PKHD1L1: variants seen among roughly 807,000 people sequenced by gnomAD.
PKHD1L1 encodes PKHD1 like 1, also known as fibrocystin-L.
PKHD1L1 carries 434 observed loss-of-function variants against 462.9 expected under a neutral mutation model. The observed-to-expected ratio is 0.94, with a 90% CI of 0.87 to 1.02. PKHD1L1 has a LOEUF of 1.02. PKHD1L1 is among the 50% of genes least tolerant of loss of function. The probability of loss-of-function intolerance (pLI) is 0.00; values close to 1 mark genes in which losing one functional copy is unlikely to be tolerated. For missense variants in PKHD1L1, 5,202 were observed against 5,096.1 expected (o/e 1.02, Z -0.63); for synonymous variants, 1,781 against 1,750.0 (o/e 1.02, Z -0.44).
chr8:109,444,117 C>A (rs1276907497), intron 37 of PKHD1L1, among the ~76,000 whole-genome samples: 4 of 124,404 alleles, frequency 3.2e-5, no homozygotes, highest in East Asian at 2.4e-4. Flanking sequence ...TCATTACCTC[C>A]CCCCCCCAAA....
At chr8:109,379,158 A>G (rs901642560) in intron 2 of PKHD1L1, among the ~76,000 whole-genome samples, 2 of 152,160 alleles carry the variant, frequency 1.3e-5, no homozygotes, top group African/African-American at 2.4e-5. Flanking sequence ...TGAGCTCTCA[A>G]TAGGCTACCA....
chr8:109,412,538 C>T, intron 20 of PKHD1L1, 124 bp downstream of exon 20: 1 of 993,414 alleles, frequency 1.0e-6, no homozygotes. Flanking sequence ...GTAACAGGCA[C>T]CGAAGTGTAC....
intron 68 of PKHD1L1, among the ~76,000 whole-genome samples, chr8:109,505,913 A>G (rs1185762019): frequency 1.3e-5 from 2 of 152,102 alleles, no homozygotes; most frequent in African/African-American, 4.8e-5. Context: ...TCAGAAAAAA[A>G]GTAGGCACCT....
intron 50 of PKHD1L1, among the ~76,000 whole-genome samples, chr8:109,473,518 G>C (rs1228081532): frequency 7.6e-6 from 1 of 131,068 alleles, no homozygotes; most frequent in Non-Finnish European, 1.7e-5. Context: ...TCCATCTCAA[G>C]AAAAAAAAAA....
In PKHD1L1 at chr8:109,526,819, G is replaced by A; in HGVS notation, c.12520G>A (p.Val4174Ile). 2.6e-6 allele frequency: 4 copies of A among 1,564,442 alleles called. No homozygotes were observed. The highest frequency in any genetic ancestry group is 2.4e-5 in the East Asian group (1 of 42,206). The change falls in exon 77 of 78, where the codon GTT (valine) becomes ATT (isoleucine). Residue 4174 changes from valine to isoleucine, a missense_variant. This residue lies in a region of PKHD1L1 where 698 missense variants were observed against 736.3 expected (regional missense o/e 0.95). Transcript: ENST00000378402. ...NYKIEFILDN[V>I]VGVESRTFSL... ...TAAGATTGAATTTATACTGGATAAT[G>A]TTGTTGGGGTAGAATCCAGAACTTT...
Position 109,439,113 on chromosome 8 carries a change from T to C in PKHD1L1, c.3956+21T>C, listed in dbSNP as rs761565194. The C allele has an allele frequency of 5.6e-6, 9 of 1,599,446 alleles. No homozygotes were observed. In the Admixed American group the frequency reaches 8.4e-5, roughly 15 times the overall value. On this transcript the variant is annotated intron_variant, in intron 32 of 77. Coordinates refer to ENST00000378402, the MANE Select transcript of PKHD1L1 (RefSeq NM_177531.6). ...ACAAGGTATGATAATGAACATAAAC[T>C]TGATGGAGTTGTAGAACACATGGGG...
chr8:109,439,714 C>T (rs16879566), intron 32 of PKHD1L1, among the ~76,000 whole-genome samples: 2,134 of 152,098 alleles, frequency 0.014, 56 homozygotes, highest in African/African-American at 0.048. Context: ...TTCTTTTTCC[C>T]TGAAACTGTT....
intron 2 of PKHD1L1, among the ~76,000 whole-genome samples, chr8:109,379,753 G>A (rs923211217): frequency 2.6e-5 from 4 of 152,116 alleles, no homozygotes; most frequent in Non-Finnish European, 5.9e-5. Context: ...ATCATGGGTC[G>A]CAATATAGAT....
At chr8:109,398,802 GAC>G (rs1185625657) in intron 12 of PKHD1L1, among the ~76,000 whole-genome samples, 1 of 151,966 alleles carries the variant, frequency 6.6e-6, no homozygotes, top group Non-Finnish European at 1.5e-5. Context: ...CATCTCTACT[GAC>G]AGAGTTTAAT....
At chr8:109,462,591 G>T (rs1024426020) in intron 48 of PKHD1L1, among the ~76,000 whole-genome samples, 1 of 152,086 alleles carries the variant, frequency 6.6e-6, no homozygotes, top group South Asian at 2.1e-4. Flanking sequence ...TGCCAGGCTG[G>T]AGTGTAGTGG....
chr8:109,388,182 T>C (rs73309408), intron 6 of PKHD1L1, among the ~76,000 whole-genome samples: 4,140 of 152,276 alleles, frequency 0.027, 177 homozygotes, highest in African/African-American at 0.094. Context: ...TCTTTTCTTG[T>C]AGTATTTAAC....
In PKHD1L1 at chr8:109,536,422, T is replaced by G. The variant is rs17377875; in HGVS notation, c.*6332T>G. On this transcript the variant is annotated 3_prime_UTR_variant, in exon 78 of 78. Coordinates refer to ENST00000378402, the MANE Select transcript of PKHD1L1 (RefSeq NM_177531.6). ...GTTTTATTTCTACTTTCTCAATCCA[T>G]GTACAAGATAGATTTACAAACTACT... is the stretch of plus-strand genomic sequence containing the variant. 7.4e-3 allele frequency among the ~76,000 whole-genome samples: 1,126 copies of G among 152,320 alleles called. 55 individuals are homozygous for G. The highest frequency in any genetic ancestry group is 0.068 in the Admixed American group (1,035 of 15,298).
chr8:109,470,494 C>A, intron 50 of PKHD1L1: 14 of 1,610,192 alleles, frequency 8.7e-6, no homozygotes, highest in Non-Finnish European at 1.2e-5. Context: ...AGCATCACAG[C>A]AACTGGCTGG....
intron 58 of PKHD1L1, among the ~76,000 whole-genome samples, chr8:109,485,995 A>C (rs981261578): frequency 6.6e-6 from 1 of 151,972 alleles, no homozygotes; most frequent in Admixed American, 6.6e-5. Flanking sequence ...CTTTCATTTA[A>C]AATATCAAGC....
chr8:109,522,324 C>A lies in PKHD1L1; in HGVS notation c.12170C>A (p.Ser4057Tyr). Residue 4057 changes from serine to tyrosine, a missense_variant, in exon 74 of 78, where the codon TCT (serine) becomes TAT (tyrosine). By Grantham distance (144) the Ser-to-Tyr change is moderately radical. This residue lies in a region of PKHD1L1 where 698 missense variants were observed against 736.3 expected (regional missense o/e 0.95). Transcript: ENST00000378402. ...AATCCCCTCCCCAGCCCAAGTGACT[C>A]TGGGTGGATTAAGGTAAGAAAATGC... is the stretch of plus-strand genomic sequence containing the variant. Reference protein sequence around the residue: ...ITNPLPSPSDSGWIKVTAQPV... With the variant: ...ITNPLPSPSDYGWIKVTAQPV... 1.3e-6 allele frequency: 2 copies of A among 1,588,522 alleles called. No homozygotes were observed. Among genetic ancestry groups the A allele is most frequent in the Non-Finnish European group, 1.7e-6 (2 of 1,170,046 alleles).
intron 9 of PKHD1L1, among the ~76,000 whole-genome samples, chr8:109,393,715 T>C (rs1812815407): frequency 6.6e-6 from 1 of 152,212 alleles, no homozygotes; most frequent in South Asian, 2.1e-4. Flanking sequence ...ATGTGGTTGA[T>C]GTAAAGATCA....
Position 109,526,928 on chromosome 8 carries a change from A to C in PKHD1L1, c.12629A>C (p.Gln4210Pro). The C allele has an allele frequency of 6.2e-7, 1 of 1,613,812 alleles. No homozygotes were observed. The highest frequency in any genetic ancestry group is 8.5e-7 in the Non-Finnish European group (1 of 1,179,846). Residue 4210 changes from glutamine (Q) to proline (P), a missense_variant, in exon 77 of 78, where the codon CAG (glutamine) becomes CCG (proline). Physicochemically the swap from Gln to Pro is moderately conservative, Grantham distance 76. Around this residue, in one of 3 missense-constraint regions of PKHD1L1, gnomAD observed 698 missense variants for 736.3 expected, o/e 0.95. Transcript: ENST00000378402. ...SKASTVGTYA[Q>P]IMTVVISCLV... ...GCATCAACTGTGGGTACATATGCCC[A>C]GATAATGACTGTAGTAATTAGCTGT...
At chr8:109,387,091 A>C (rs1005987459) in intron 6 of PKHD1L1, among the ~76,000 whole-genome samples, 1 of 152,174 alleles carries the variant, frequency 6.6e-6, no homozygotes, top group Non-Finnish European at 1.5e-5. Context: ...AGGGCTCCCA[A>C]GGCAATTTAT....
chr8:109,480,134 C>T lies in PKHD1L1; in HGVS notation c.9322C>T (p.Leu3108=). The T allele has an allele frequency of 1.3e-6, 2 of 1,562,366 alleles. No homozygotes were observed. Among genetic ancestry groups the T allele is most frequent in the Non-Finnish European group, 1.7e-6 (2 of 1,154,978 alleles). Residue 3108 remains leucine (L), a synonymous_variant, in exon 55 of 78, where the codon CTG becomes TTG. Coordinates refer to ENST00000378402, the MANE Select transcript of PKHD1L1 (RefSeq NM_177531.6). ...TGTTTTGAATGCTACCTACATATCA[C>T]TGCAGGTAAGAGTGAGGGCCTTGTA... The part of the protein sequence containing the change: ...EVVLNATYIS[L]QGGRLIGGWE...
Sources: gnomAD v4.1 joint callset for allele counts (sites outside exome capture counted in the v4.1 genomes callset) on GRCh38, gnomAD v4.1.1 for gene constraint, gnomAD v4.1.1 regional missense constraint, MANE v1.5 for transcripts, NCBI Gene and HGNC (gene_info 2026-07-23, HGNC 2026-07-21) for gene names.